The following TMEM132C variants were observed in gnomAD, a reference collection of about 807,000 sequenced individuals.
TMEM132C encodes the protein transmembrane protein 132C.
In TMEM132C, 29 loss-of-function variants were observed where a neutral mutation model predicts 61.4. The observed-to-expected ratio is 0.47, with a 90% CI of 0.35 to 0.64. TMEM132C has a LOEUF of 0.64. Among genes scored for constraint, TMEM132C ranks in the 30% least tolerant of loss-of-function variants. The pLI, the probability that TMEM132C is intolerant of heterozygous loss-of-function variation, is 0.00. For synonymous variants in TMEM132C, 656 were observed against 633.1 expected, an observed-to-expected ratio of 1.04 and a Z score of -0.54; for missense variants, 1,408 against 1,476.9, an observed-to-expected ratio of 0.95 and a Z score of 0.76.
At chr12:128,307,937 G>A (rs1009317994) in intron 1 of TMEM132C, among the ~76,000 whole-genome samples, 1 of 152,196 alleles carries the variant, frequency 6.6e-6, no homozygotes, top group Non-Finnish European at 1.5e-5. Context: ...GTCCCTTAGG[G>A]TGGGATTCCT....
At chr12:128,588,392 A>G (rs1875628141) in intron 3 of TMEM132C, among the ~76,000 whole-genome samples, 1 of 152,182 alleles carries the variant, frequency 6.6e-6, no homozygotes, top group Non-Finnish European at 1.5e-5. Context: ...AGATCACACC[A>G]CTACACTCCA....
At chr12:128,302,501 T>C (rs546738572) in intron 1 of TMEM132C, among the ~76,000 whole-genome samples, 20 of 152,220 alleles carry the variant, frequency 1.3e-4, no homozygotes, top group Non-Finnish European at 2.6e-4. Flanking sequence ...ATAATTTGCA[T>C]AGGGCACTAG....
At chr12:128,347,313 A>T (rs1873188914) in intron 1 of TMEM132C, among the ~76,000 whole-genome samples, 1 of 151,282 alleles carries the variant, frequency 6.6e-6, no homozygotes, top group African/African-American at 2.4e-5. Context: ...CATTTTCTTT[A>T]TCCACTCGTT....
At chr12:128,536,745 G>T (rs1226219626) in intron 2 of TMEM132C, among the ~76,000 whole-genome samples, 10 of 114,558 alleles carry the variant, frequency 8.7e-5, no homozygotes, top group African/African-American at 3.0e-4. Context: ...TTAATAGGGG[G>T]TGCTTGTGTG....
At chr12:128,374,452 C>T (rs2135984410) in intron 1 of TMEM132C, among the ~76,000 whole-genome samples, 2 of 152,266 alleles carry the variant, frequency 1.3e-5, no homozygotes, top group East Asian at 1.9e-4. Context: ...TTCTCGGGCA[C>T]AGTGAGCACT....
At chr12:128,299,335 C>G (rs191276083) in intron 1 of TMEM132C, among the ~76,000 whole-genome samples, 1 of 152,140 alleles carries the variant, frequency 6.6e-6, no homozygotes, top group Non-Finnish European at 1.5e-5. Flanking sequence ...CACCTGATCC[C>G]TGGGTGGTTA....
chr12:128,681,033 C>A (rs992529645), intron 5 of TMEM132C, among the ~76,000 whole-genome samples: 4 of 152,136 alleles, frequency 2.6e-5, no homozygotes, highest in African/African-American at 9.7e-5. Flanking sequence ...CTCTGGAAAT[C>A]AGTTCTTCTA....
intron 2 of TMEM132C, among the ~76,000 whole-genome samples, chr12:128,443,827 C>G (rs1869879406): frequency 6.6e-6 from 1 of 152,212 alleles, no homozygotes; most frequent in African/African-American, 2.4e-5. Flanking sequence ...CCGGAATGCT[C>G]CGTCCTCTGT....
intron 4 of TMEM132C, among the ~76,000 whole-genome samples, chr12:128,667,956 C>A (rs990121808): frequency 6.6e-6 from 1 of 152,198 alleles, no homozygotes; most frequent in Non-Finnish European, 1.5e-5. Flanking sequence ...AGGCACTTTG[C>A]TTTGCTTTAG....
chr12:128,643,548 G>A (rs1374576373), intron 4 of TMEM132C, among the ~76,000 whole-genome samples: 1 of 151,806 alleles, frequency 6.6e-6, no homozygotes, highest in Non-Finnish European at 1.5e-5. Flanking sequence ...ACGTCCATTT[G>A]GGGCCCCAAA....
chr12:128,611,005 C>T (rs1876614936), intron 3 of TMEM132C, among the ~76,000 whole-genome samples: 1 of 152,154 alleles, frequency 6.6e-6, no homozygotes, highest in South Asian at 2.1e-4. Flanking sequence ...GATGTCAAGT[C>T]CTGCTAAAAA....
chr12:128,376,430 G>A (rs1269446178), intron 1 of TMEM132C, among the ~76,000 whole-genome samples: 2 of 152,200 alleles, frequency 1.3e-5, no homozygotes, highest in East Asian at 1.9e-4. Flanking sequence ...AAAGGCCTTC[G>A]GGACATCTCT....
chr12:128,569,943 C>T (rs1874820081), intron 3 of TMEM132C, among the ~76,000 whole-genome samples: 1 of 152,218 alleles, frequency 6.6e-6, no homozygotes, highest in Non-Finnish European at 1.5e-5. Context: ...CTCTTCTGGT[C>T]TCCAAGCCCC....
At chr12:128,689,599 G>T (rs1443180553) in intron 5 of TMEM132C, among the ~76,000 whole-genome samples, 1 of 152,144 alleles carries the variant, frequency 6.6e-6, no homozygotes, top group Non-Finnish European at 1.5e-5. Flanking sequence ...CTTGATTTTT[G>T]AACATAAGTT....
intron 1 of TMEM132C, among the ~76,000 whole-genome samples, chr12:128,369,264 G>A (rs1003460918): frequency 6.6e-6 from 1 of 152,086 alleles, no homozygotes. Flanking sequence ...TTAAAATGAT[G>A]AGTTTAATAC....
chr12:128,408,409 C>G (rs1350123529), intron 1 of TMEM132C, among the ~76,000 whole-genome samples: 2 of 152,148 alleles, frequency 1.3e-5, no homozygotes, highest in Non-Finnish European at 2.9e-5. Flanking sequence ...GCAGATGGGC[C>G]TGGAATCCTG....
At chr12:128,440,912 C>T (rs1869761009) in intron 2 of TMEM132C, among the ~76,000 whole-genome samples, 1 of 152,090 alleles carries the variant, frequency 6.6e-6, no homozygotes, top group East Asian at 1.9e-4. Context: ...ATCCAGGCGT[C>T]GTGGTGTAGT....
At chr12:128,642,605 C>A (rs114323292) in intron 4 of TMEM132C, among the ~76,000 whole-genome samples, 1,760 of 152,246 alleles carry the variant, frequency 0.012, 37 homozygotes, top group African/African-American at 0.041. Flanking sequence ...CCCTCTCTCG[C>A]CATGTGATGC....
intron 1 of TMEM132C, among the ~76,000 whole-genome samples, chr12:128,331,374 T>C (rs180764526): frequency 6.6e-6 from 1 of 152,364 alleles, no homozygotes; most frequent in East Asian, 1.9e-4. Flanking sequence ...TCAGGGCTTT[T>C]AGAACATCCA....
Sources: gnomAD v4.1 joint callset for allele counts (sites outside exome capture counted in the v4.1 genomes callset) on GRCh38, gnomAD v4.1.1 for gene constraint, MANE v1.5 for transcripts, NCBI Gene and HGNC (gene_info 2026-07-23, HGNC 2026-07-21) for gene names.